CELF2: variants seen among roughly 807,000 people sequenced by gnomAD.
CELF2 encodes the protein CUGBP Elav-like family member 2.
CELF2 carries 8 observed loss-of-function variants against 62.6 expected under a neutral mutation model. The ratio of observed to expected loss-of-function variants is 0.13; its 90% CI spans 0.07 to 0.23. The LOEUF (loss-of-function observed/expected upper bound fraction) is 0.23, where lower values mean the gene tolerates loss of function less well. CELF2 is among the 10% of genes least tolerant of loss of function. The pLI, the probability that CELF2 is intolerant of heterozygous loss-of-function variation, is 1.00. For missense variants in CELF2, 333 were observed against 671.0 expected, an observed-to-expected ratio of 0.50 and a Z score of 5.56; for synonymous variants, 258 against 250.0, an observed-to-expected ratio of 1.03 and a Z score of -0.30.
chr10:11,143,505 T>G (rs1452109899), intron 1 of CELF2, among the ~76,000 whole-genome samples: 1 of 152,226 alleles, frequency 6.6e-6, no homozygotes, highest in Non-Finnish European at 1.5e-5. Flanking sequence ...CTGCCATTCA[T>G]GCCTTCCTGA....
intron 5 of CELF2, among the ~76,000 whole-genome samples, chr10:11,258,708 C>T (rs772923592): frequency 1.3e-5 from 2 of 152,188 alleles, no homozygotes; most frequent in Non-Finnish European, 2.9e-5. Flanking sequence ...ATGTGTTTTT[C>T]ACTTCTTTTT....
rs140048799 is a variant in CELF2 at position 11,145,260 on chromosome 10, A to G, written c.75-20226A>G. Among the ~76,000 whole-genome samples, 2,460 of 152,366 alleles carry G rather than the reference A, an allele frequency of 0.016. 33 individuals carry two copies. The highest frequency in any genetic ancestry group is 0.025 in the Non-Finnish European group (1,676 of 68,032). ...GCTGCTCAAGGTTTGTAATTGCTCTATAAGTGAGTCTCAGGCATCTGTGTG... is the reference window on the plus strand; with the variant it reads ...GCTGCTCAAGGTTTGTAATTGCTCTGTAAGTGAGTCTCAGGCATCTGTGTG... On this transcript the variant is annotated intron_variant, in intron 1 of 12. Coordinates refer to ENST00000633077, the MANE Select transcript of CELF2 (RefSeq NM_001326342.2). The surrounding 1 kb of genome is among the most constrained non-coding windows in gnomAD (Gnocchi z 4.3).
chr10:11,104,381 G>C (rs2052755992), intron 1 of CELF2, among the ~76,000 whole-genome samples: 1 of 152,128 alleles, frequency 6.6e-6, no homozygotes, highest in East Asian at 1.9e-4. Context: ...TATTTCCCAG[G>C]GTTCCTGGAC....
At chr10:10,954,670 C>T (rs1316714643) in intron 2 of CELF2, among the ~76,000 whole-genome samples, 3 of 152,206 alleles carry the variant, frequency 2.0e-5, no homozygotes, top group African/African-American at 7.2e-5. Context: ...TCTAATCCTG[C>T]ACCGTTTGTA....
At chr10:10,583,684 A>G in the CELF2 span, among the ~76,000 whole-genome samples, 47,871 of 151,874 alleles carry the variant, frequency 0.32, 7,905 homozygotes, top group East Asian at 0.6. Context: ...TTCCTTCTGT[A>G]GAATATACTT....
At chr10:10,603,232 C>T in the CELF2 span, among the ~76,000 whole-genome samples, 1 of 151,934 alleles carries the variant, frequency 6.6e-6, no homozygotes, top group Non-Finnish European at 1.5e-5. Context: ...AATTCAGTCA[C>T]GTAGGGAGAC....
intron 1 of CELF2, among the ~76,000 whole-genome samples, chr10:11,050,680 C>G (rs965238116): frequency 2.0e-4 from 30 of 152,222 alleles, no homozygotes; most frequent in Non-Finnish European, 8.8e-5. Flanking sequence ...CATCACCACT[C>G]TGTCTCCAGA....
rs1404610393 is a variant in CELF2 at position 10,947,109 on chromosome 10, C to T, written c.89+27110C>T. ...GCATGTCACAGGCAGGTCTGGAAGG[C>T]TTTGCTGTCCTTGCTGTGTGTAAGA... On this transcript the variant is annotated intron_variant, in intron 2 of 13. Coordinates refer to the CELF2 transcript ENST00000636488. The surrounding 1 kb of genome is among the most constrained non-coding windows in gnomAD (Gnocchi z 4.1). The T allele has an allele frequency of 6.6e-6, 1 of 152,220 alleles. No individual in the cohort carries two copies. The highest frequency in any genetic ancestry group is 1.9e-4 in the East Asian group (1 of 5,194). 9.4% of individuals were successfully genotyped at this position (152,220 alleles called of 1,614,324 possible).
At chr10:10,474,540 A>G in the CELF2 span, among the ~76,000 whole-genome samples, 3 of 152,238 alleles carry the variant, frequency 2.0e-5, no homozygotes, top group South Asian at 6.2e-4. Context: ...TAAATGTGAC[A>G]GTTTTGCAAT....
At chr10:10,774,764 G>A in the CELF2 span, among the ~76,000 whole-genome samples, 1 of 152,140 alleles carries the variant, frequency 6.6e-6, no homozygotes, top group African/African-American at 2.4e-5. Flanking sequence ...CAAATAGGAT[G>A]GTGTGGTGAG....
chr10:10,544,852 G>A, the CELF2 span, among the ~76,000 whole-genome samples: 1 of 152,142 alleles, frequency 6.6e-6, no homozygotes, highest in Non-Finnish European at 1.5e-5. Context: ...CCTTCCAATA[G>A]CACATGTAAA....
At chr10:10,642,467 G>A in the CELF2 span, among the ~76,000 whole-genome samples, 257 of 152,306 alleles carry the variant, frequency 1.7e-3, no homozygotes, top group African/African-American at 6.0e-3. Context: ...TTTTAGCAAG[G>A]AGCAAGAGGA....
At chr10:10,885,999 G>T (rs2061724667) in intron 1 of CELF2, among the ~76,000 whole-genome samples, 1 of 152,152 alleles carries the variant, frequency 6.6e-6, no homozygotes, top group South Asian at 2.1e-4. Flanking sequence ...GGAAGAACAT[G>T]AGTCCATATC....
rs1047827173 is a variant in CELF2, at chr10:11,302,559, C to T, written c.977-11580C>T. ...AACTCTGACCAAATGGCCTGCAGAG[C>T]ATCCGCAGCCCAGGGCCCTGGGCCA... On this transcript the variant is annotated intron_variant, in intron 9 of 12. Coordinates refer to ENST00000633077, the MANE Select transcript of CELF2 (RefSeq NM_001326342.2). This position sits in a 1 kb window ranked among gnomAD's most constrained non-coding sequence, Gnocchi z 5.0. Among the ~76,000 whole-genome samples the T allele has an allele frequency of 1.3e-5, 2 of 152,326 alleles. No individual in the cohort carries two copies. The highest frequency in any genetic ancestry group is 2.9e-5 in the Non-Finnish European group (2 of 68,022).
chr10:11,279,919 T>A (rs2087700656), intron 8 of CELF2, among the ~76,000 whole-genome samples: 2 of 152,168 alleles, frequency 1.3e-5, no homozygotes, highest in African/African-American at 4.8e-5. Context: ...CTTACTGAAA[T>A]GTTTTGCATG....
the CELF2 span, among the ~76,000 whole-genome samples, chr10:10,648,476 A>G: frequency 6.6e-6 from 1 of 152,178 alleles, no homozygotes; most frequent in African/African-American, 2.4e-5. Context: ...TAGTTTCCTA[A>G]AAGTGGACAG....
At position 11,268,986 on chromosome 10, in the gene CELF2, C is replaced by T. The variant is rs2082952302; in HGVS notation, c.619-1680C>T. 6.6e-6 allele frequency among the ~76,000 whole-genome samples: 1 copy of T among 152,046 alleles called. No homozygotes were observed. The highest frequency in any genetic ancestry group is 2.4e-5 in the African/African-American group (1 of 41,374). ...ATCATTTTTAAGCTATAATCATTGG[C>T]CTAATTTTCTGCTTTTATATCATTT... On this transcript the variant is annotated intron_variant, in intron 6 of 12. Transcript: ENST00000633077. The surrounding 1 kb of genome is among the most constrained non-coding windows in gnomAD (Gnocchi z 4.7).
intron 4 of CELF2, among the ~76,000 whole-genome samples, chr10:11,250,437 C>T (rs761977472): frequency 2.6e-5 from 4 of 152,222 alleles, no homozygotes; most frequent in African/African-American, 4.8e-5. Context: ...AGGGTTAATT[C>T]GTTTTTTTCT....
the CELF2 span, among the ~76,000 whole-genome samples, chr10:10,614,560 C>T: frequency 6.6e-6 from 1 of 152,110 alleles, no homozygotes; most frequent in African/African-American, 2.4e-5. Flanking sequence ...TTCACATTCC[C>T]TACCACTCCA....
Sources: allele counts gnomAD v4.1 joint callset (sites outside exome capture counted in the v4.1 genomes callset), GRCh38; gene constraint gnomAD v4.1.1; non-coding constraint Gnocchi (gnomAD v3.1); transcripts MANE v1.5; gene names NCBI Gene and HGNC (gene_info 2026-07-23, HGNC 2026-07-21).